DLGAP4: variants seen among roughly 807,000 people sequenced by gnomAD.
DLGAP4 encodes disks large-associated protein 4.
Under a neutral mutation model 86.9 loss-of-function variants are expected in DLGAP4, and 18 were observed. The ratio of observed to expected loss-of-function variants is 0.21; its 90% confidence interval spans 0.14 to 0.31. The LOEUF is 0.31. Among genes scored for constraint, DLGAP4 ranks in the 10% least tolerant of loss-of-function variants. The probability of loss-of-function intolerance (pLI) is 1.00; values close to 1 mark genes in which losing one functional copy is unlikely to be tolerated. For synonymous variants in DLGAP4, 548 were observed against 574.3 expected, an observed-to-expected ratio of 0.95 and a Z score of 0.65; for missense variants, 1,085 against 1,362.6, an observed-to-expected ratio of 0.80 and a Z score of 3.21.
intron 8 of DLGAP4, chr20:36,498,690 A>G (rs1339206711): frequency 1.3e-5 from 2 of 152,604 alleles, no homozygotes; most frequent in Non-Finnish European, 2.9e-5. Context: ...CCACAAGGCC[A>G]AGAGACTGAA....
Position 36,526,043 on chromosome 20 carries a change from C to A in DLGAP4, c.2760+37C>A, listed in dbSNP as rs1255499604. 2.5e-6 allele frequency: 4 copies of A among 1,613,184 alleles called. No homozygotes were observed. In the Admixed American group the frequency reaches 5.0e-5, roughly 20 times the overall value. On this transcript the variant is annotated intron_variant, in intron 12 of 12. Coordinates refer to ENST00000339266, the MANE Select transcript of DLGAP4 (RefSeq NM_001365621.2). ...GCAGTGCGGAGGGGAAGTCCAGGGA[C>A]AAATTCCTGGTCGGCAATAACGCTG...
At chr20:36,383,772 G>A (rs1484488523) in intron 2 of DLGAP4, among the ~76,000 whole-genome samples, 4 of 152,082 alleles carry the variant, frequency 2.6e-5, no homozygotes, top group South Asian at 2.1e-4. Context: ...TCAGGAGATC[G>A]AGACCATCCT....
At chr20:36,465,455 G>C (rs1391213981) in intron 7 of DLGAP4, 1 of 152,372 alleles carries the variant, frequency 6.6e-6, no homozygotes, top group Non-Finnish European at 1.5e-5. Context: ...TTGTAGCCCA[G>C]GCCTCTTCTC....
chr20:36,489,855 C>CTTTTTT (rs764797081), intron 7 of DLGAP4, among the ~76,000 whole-genome samples: 3 of 108,018 alleles, frequency 2.8e-5, no homozygotes, highest in East Asian at 2.5e-4. Context: ...GCTAATTCTT[C>CTTTTTT]TTTTTTTTTT....
At position 36,308,791 on chromosome 20, in the gene DLGAP4, A is replaced by G. The variant is rs560273860; in HGVS notation, c.-304+2279A>G. On this transcript the variant is annotated intron_variant, in intron 1 of 12. Transcript: ENST00000339266. This position sits in a 1 kb window ranked among gnomAD's most constrained non-coding sequence, Gnocchi z 4.5. ...GTGATGGGTATTCATTCATTCAGAA[A>G]AGCATTAGAAAATCGCATTTGCTAA... 6.6e-6 allele frequency among the ~76,000 whole-genome samples: 1 copy of G among 152,312 alleles called. No homozygotes were observed. The highest frequency in any genetic ancestry group is 2.1e-4 in the South Asian group (1 of 4,822).
At chr20:36,365,327 C>T (rs1164563501) in intron 1 of DLGAP4, among the ~76,000 whole-genome samples, 1 of 152,250 alleles carries the variant, frequency 6.6e-6, no homozygotes, top group Non-Finnish European at 1.5e-5. Context: ...CGCATCTTCT[C>T]AAACACCGGT....
At chr20:36,420,960 C>T (rs1226649571) in intron 2 of DLGAP4, among the ~76,000 whole-genome samples, 1 of 150,572 alleles carries the variant, frequency 6.6e-6, no homozygotes, top group Non-Finnish European at 1.5e-5. Context: ...GCAACAAGAG[C>T]GAAAACTCTG....
intron 10 of DLGAP4, among the ~76,000 whole-genome samples, chr20:36,511,593 G>A (rs576981743): frequency 2.6e-5 from 4 of 152,072 alleles, no homozygotes; most frequent in South Asian, 2.1e-4. Flanking sequence ...AAATATTTGC[G>A]GCCGGGTGCA....
At chr20:36,402,978 G>C (rs1161390725) in intron 2 of DLGAP4, among the ~76,000 whole-genome samples, 2 of 152,144 alleles carry the variant, frequency 1.3e-5, no homozygotes, top group African/African-American at 4.8e-5. Context: ...AGAGAGCACA[G>C]AATGAGTAGA....
intron 1 of DLGAP4, among the ~76,000 whole-genome samples, chr20:36,345,799 C>G (rs928544763): frequency 6.6e-6 from 1 of 152,066 alleles, no homozygotes; most frequent in Non-Finnish European, 1.5e-5. Flanking sequence ...GCTCTGTCAC[C>G]CAGGCTGGAG....
chr20:36,501,893 T>A (rs924440095), intron 10 of DLGAP4, among the ~76,000 whole-genome samples: 2 of 152,188 alleles, frequency 1.3e-5, no homozygotes, highest in African/African-American at 4.8e-5. Context: ...AATAGTATTT[T>A]AAAAAATCAA....
At chr20:36,427,059 C>T (rs1485195160) in intron 2 of DLGAP4, among the ~76,000 whole-genome samples, 1 of 151,912 alleles carries the variant, frequency 6.6e-6, no homozygotes, top group Admixed American at 6.6e-5. Flanking sequence ...GGGCATGTAC[C>T]TATAGTCTCA....
At chr20:36,502,662 A>G (rs2036195476) in intron 10 of DLGAP4, among the ~76,000 whole-genome samples, 1 of 152,198 alleles carries the variant, frequency 6.6e-6, no homozygotes, top group South Asian at 2.1e-4. Flanking sequence ...AACAATTTCT[A>G]TATAAATATA....
intron 2 of DLGAP4, among the ~76,000 whole-genome samples, chr20:36,403,847 T>G (rs1320669601): frequency 6.6e-6 from 1 of 152,226 alleles, no homozygotes; most frequent in Non-Finnish European, 1.5e-5. Flanking sequence ...CTGGAAGATT[T>G]GCTTCCAAGC....
intron 9 of DLGAP4, 138 bp downstream of exon 9, chr20:36,499,814 C>A (rs2036057779): frequency 2.5e-6 from 2 of 804,246 alleles, no homozygotes; most frequent in Non-Finnish European, 4.1e-6. Context: ...GGGTGGTGGC[C>A]CAGGCATGGG....
intron 10 of DLGAP4, among the ~76,000 whole-genome samples, chr20:36,513,472 C>T (rs915673861): frequency 1.1e-4 from 16 of 144,218 alleles, no homozygotes; most frequent in East Asian, 2.1e-4. Context: ...GGCGTGAACC[C>T]GGGAAGCGGA....
intron 1 of DLGAP4, among the ~76,000 whole-genome samples, chr20:36,320,738 T>G (rs1196445591): frequency 2.0e-5 from 3 of 152,112 alleles, no homozygotes; most frequent in African/African-American, 7.2e-5. Context: ...GGCTGCTGAC[T>G]GGGTGAGGGG....
intron 7 of DLGAP4, among the ~76,000 whole-genome samples, chr20:36,478,192 C>T (rs2035030121): frequency 6.6e-6 from 1 of 152,202 alleles, no homozygotes; most frequent in Non-Finnish European, 1.5e-5. Flanking sequence ...AATTACCCCT[C>T]CTACTGGACC....
intron 1 of DLGAP4, among the ~76,000 whole-genome samples, chr20:36,326,412 T>C (rs2065216203): frequency 6.6e-6 from 1 of 152,246 alleles, no homozygotes; most frequent in Non-Finnish European, 1.5e-5. Context: ...TGGCTTACAA[T>C]CTACACTTTA....
Sources: gnomAD v4.1 joint callset for allele counts (sites outside exome capture counted in the v4.1 genomes callset) on GRCh38, gnomAD v4.1.1 for gene constraint, Gnocchi (gnomAD v3.1) non-coding constraint, MANE v1.5 for transcripts, NCBI Gene and HGNC (gene_info 2026-07-23, HGNC 2026-07-21) for gene names.